MEPE: variants seen among roughly 807,000 people sequenced by gnomAD.
MEPE encodes matrix extracellular phosphoglycoprotein, also known as matrix, extracellular phosphoglycoprotein with ASARM motif (bone).
In MEPE, 7 loss-of-function variants were observed where a neutral mutation model predicts 7.3. The ratio of observed to expected loss-of-function variants is 0.95; its 90% CI spans 0.54 to 1.79. The LOEUF is 1.79. MEPE is among the 40% of genes most tolerant of loss of function. MEPE has a pLI of 0.00. For missense variants in MEPE, 623 were observed against 628.2 expected, an observed-to-expected ratio of 0.99 and a Z score of 0.09; for synonymous variants, 214 against 213.1, an observed-to-expected ratio of 1.00 and a Z score of -0.04.
intron 2 of MEPE, among the ~76,000 whole-genome samples, chr4:87,836,972 T>G (rs1722818919): frequency 6.6e-6 from 1 of 152,194 alleles, no homozygotes; most frequent in Non-Finnish European, 1.5e-5. Context: ...AGAATGGAAT[T>G]GAATATTAGG....
intron 1 of MEPE, among the ~76,000 whole-genome samples, chr4:87,833,340 A>G (rs1337701914): frequency 6.6e-6 from 1 of 152,160 alleles, no homozygotes; most frequent in East Asian, 1.9e-4. Flanking sequence ...GATCTTATTC[A>G]TACTTTGAAA....
chr4:87,825,236 T>A (rs184212482), intron 1 of MEPE, among the ~76,000 whole-genome samples: 176 of 152,342 alleles, frequency 1.2e-3, no homozygotes, highest in African/African-American at 4.1e-3. Flanking sequence ...CAGGTATGTC[T>A]CACCTCTTAG....
At chr4:87,833,441 A>G (rs1478100134) in intron 1 of MEPE, among the ~76,000 whole-genome samples, 1 of 152,200 alleles carries the variant, frequency 6.6e-6, no homozygotes, top group Non-Finnish European at 1.5e-5. Flanking sequence ...TTGGAAGGGT[A>G]AACTATAGTT....
At chr4:87,830,843 G>A (rs539208292), upstream of MEPE, among the ~76,000 whole-genome samples, 1 of 151,328 alleles carries the variant, frequency 6.6e-6, no homozygotes, top group East Asian at 1.9e-4. Context: ...AAAAGAGAGA[G>A]TTAGCTTGAC....
In MEPE at chr4:87,845,017, TG is replaced by T. The variant is rs761306885; in HGVS notation, c.152del (p.Gly51AlafsTer4). ...KNKDNIGFHHLGKRINQELSS... is the reference protein window; with the variant it reads ...KNKDNIGFHHXGKRINQELSS... ...AAAGACAATATTGGTTTTCACCATT[TG>T]GGCAAGAGAATAAATCAAGAGCTAT... On this transcript the variant is annotated frameshift_variant, in exon 4 of 4. Coordinates refer to ENST00000361056, the MANE Select transcript of MEPE (RefSeq NM_020203.6). LOFTEE classifies it low-confidence loss of function (END_TRUNC). 6.3e-7 allele frequency: 1 copy of T among 1,592,968 alleles called. No individual in the cohort carries two copies. Among genetic ancestry groups the T allele is most frequent in the Non-Finnish European group, 8.5e-7 (1 of 1,173,352 alleles).
In MEPE at chr4:87,833,030, T is replaced by C. The variant is rs1722639372; in HGVS notation, c.-13+16T>C. The C allele has an allele frequency of 3.3e-5, 5 of 152,346 alleles. No individual in the cohort carries two copies. The highest frequency in any genetic ancestry group is 2.6e-4 in the Admixed American group (4 of 15,304). The allele number at this position is 152,346 out of a possible 1,614,324, so 9.4% of individuals were successfully genotyped here. On this transcript the variant is annotated intron_variant, in intron 1 of 3. Coordinates refer to ENST00000361056, the MANE Select transcript of MEPE (RefSeq NM_020203.6). ...AAGATACCAGGTAATTTGGCTTTCA[T>C]GTTCTTGACAGCAAATAGCTTTATA... is the stretch of plus-strand genomic sequence containing the variant.
In MEPE at chr4:87,845,452, A is replaced by G; in HGVS notation, c.584A>G (p.Lys195Arg). 10 of 1,613,986 alleles carry G rather than the reference A, an allele frequency of 6.2e-6. No individual in the cohort carries two copies. Among genetic ancestry groups the G allele is most frequent in the Non-Finnish European group, 8.5e-6 (10 of 1,179,984 alleles). Reference protein sequence around the residue: ...NYAKAHSKDKKKPQRDSQAQK... With the variant: ...NYAKAHSKDKRKPQRDSQAQK... ...GCTAAAGCACACTCGAAGGATAAAA[A>G]GAAGCCTCAAAGAGATTCCCAAGCC... Residue 195 changes from lysine (K) to arginine (R), a missense_variant, in exon 4 of 4, where the codon AAG (lysine) becomes AGG (arginine). Transcript: ENST00000361056.
chr4:87,845,643 G>T lies in MEPE; in HGVS notation c.775G>T (p.Gly259Cys), dbSNP rs200300679. 1 of 1,613,714 alleles carries T rather than the reference G, an allele frequency of 6.2e-7. No individual in the cohort carries two copies. Among genetic ancestry groups the T allele is most frequent in the Non-Finnish European group, 8.5e-7 (1 of 1,179,934 alleles). The change falls in exon 4 of 4, where the codon GGC (glycine) becomes TGC (cysteine). Residue 259 changes from glycine (G) to cysteine (C), a missense_variant. By Grantham distance (159) the Gly-to-Cys change is radical. Transcript: ENST00000361056. ...DNDISPFSGD[G>C]QPFKDIPGKG... ...TGATATATCTCCTTTCAGTGGGGAC[G>T]GCCAACCTTTTAAGGACATTCCTGG...
At chr4:87,832,450 T>C (rs1722624122), upstream of MEPE, among the ~76,000 whole-genome samples, 1 of 152,188 alleles carries the variant, frequency 6.6e-6, no homozygotes, top group South Asian at 2.1e-4. Context: ...ATCTAATCTA[T>C]TTAACTCATT....
chr4:87,823,000 C>T (rs530124186), intron 1 of MEPE, among the ~76,000 whole-genome samples: 4 of 152,210 alleles, frequency 2.6e-5, no homozygotes, highest in Non-Finnish European at 5.9e-5. Flanking sequence ...TGCAGCAGAG[C>T]AGCTCCCCTG....
intron 3 of MEPE, chr4:87,839,960 T>C: frequency 6.5e-7 from 1 of 1,535,500 alleles, no homozygotes; most frequent in Non-Finnish European, 8.7e-7. Context: ...AAACTCTGGG[T>C]CCCAGAATCT....
At chr4:87,823,334 C>T (rs2109986647) in intron 1 of MEPE, among the ~76,000 whole-genome samples, 1 of 152,300 alleles carries the variant, frequency 6.6e-6, no homozygotes, top group South Asian at 2.1e-4. Flanking sequence ...TTACCTCCTT[C>T]AACACGATGA....
At chr4:87,830,419 T>C (rs1037396820), upstream of MEPE, among the ~76,000 whole-genome samples, 5 of 152,166 alleles carry the variant, frequency 3.3e-5, 1 homozygote, top group Admixed American at 3.3e-4. Context: ...AGAGATCATG[T>C]CCTTTGTGGG....
chr4:87,842,278 T>A (rs1279070902), intron 3 of MEPE, among the ~76,000 whole-genome samples: 1 of 152,146 alleles, frequency 6.6e-6, no homozygotes, highest in African/African-American at 2.4e-5. Flanking sequence ...TTTTCTATTT[T>A]CTTTGCTACC....
chr4:87,824,946 C>G (rs1046146442), intron 1 of MEPE, among the ~76,000 whole-genome samples: 1 of 152,182 alleles, frequency 6.6e-6, no homozygotes, highest in African/African-American at 2.4e-5. Context: ...CTCCCAGGCT[C>G]AGGTGATCCT....
rs1407624548 is a variant in MEPE at position 87,837,385 on chromosome 4, C to A, written c.55-1247C>A. Among the ~76,000 whole-genome samples, 4 of 152,130 alleles carry A rather than the reference C, an allele frequency of 2.6e-5. No individual in the cohort carries two copies. The East Asian group carries it at 7.7e-4, about 29-fold the overall frequency. ...AGACTCATGCCAGGCCTCCTTCACC[C>A]AAACCCAGTCTGAACACAGAGGGCA... On this transcript the variant is annotated intron_variant, in intron 2 of 3. Transcript: ENST00000361056.
rs907347936 is a variant in MEPE at position 87,845,591 on chromosome 4, T to C, written c.723T>C (p.Tyr241=). Residue 241 remains tyrosine (Y), a synonymous_variant, in exon 4 of 4, where the codon TAT becomes TAC. Transcript: ENST00000361056. The part of the protein sequence containing the change: ...KIPSDFEGSG[Y]TDLQERGDND... ...CCAGTGATTTTGAAGGCAGCGGTTA[T>C]ACAGATCTTCAAGAGAGAGGGGACA... is the stretch of plus-strand genomic sequence containing the variant. 4 of 1,613,594 alleles carry C rather than the reference T, an allele frequency of 2.5e-6. No individual in the cohort carries two copies. Among genetic ancestry groups the C allele is most frequent in the Non-Finnish European group, 2.5e-6 (3 of 1,179,870 alleles).
chr4:87,826,358 G>A lies in MEPE; in HGVS notation c.-13+4887G>A, dbSNP rs571545570. On this transcript the variant is annotated intron_variant, in intron 1 of 3. Coordinates refer to the MEPE transcript ENST00000424957. ...CTTAGCCTCCCAAGTAGCTAGGACT[G>A]CAGGTGCACACCACCACAACAGTTT... Among the ~76,000 whole-genome samples, 74 of 150,944 alleles carry A rather than the reference G, an allele frequency of 4.9e-4. No individual in the cohort carries two copies. The South Asian group carries it at 0.015, about 30-fold the overall frequency.
In MEPE at chr4:87,845,409, C is replaced by G. The variant is rs1424121609; in HGVS notation, c.541C>G (p.Pro181Ala). ...ACCTAGGAATGTTCTAAACATAATC[C>G]CAGCAAGTATGAATTATGCTAAAGC... ...NTPRNVLNII[P>A]ASMNYAKAHS... Residue 181 changes from proline to alanine, a missense_variant, in exon 4 of 4, where the codon CCA becomes GCA. Transcript: ENST00000361056. 2.5e-6 allele frequency: 4 copies of G among 1,613,696 alleles called. No homozygotes were observed. The highest frequency in any genetic ancestry group is 3.4e-6 in the Non-Finnish European group (4 of 1,179,952).
Sources: allele counts gnomAD v4.1 joint callset (sites outside exome capture counted in the v4.1 genomes callset), GRCh38; gene constraint gnomAD v4.1.1; transcripts MANE v1.5; gene names NCBI Gene and HGNC (gene_info 2026-07-23, HGNC 2026-07-21).